Variants in SDHAF2 observed in about 807,000 individuals in gnomAD.
The protein encoded by SDHAF2 is succinate dehydrogenase complex assembly factor 2, also known as succinate dehydrogenase assembly factor 2, mitochondrial.
SDHAF2 carries 21 observed loss-of-function variants against 18.5 expected under a neutral mutation model. That is an observed-to-expected ratio of 1.13 (90% CI 0.80 to 1.63). The LOEUF (loss-of-function observed/expected upper bound fraction) is 1.63. SDHAF2 is among the 40% of genes most tolerant of loss of function. SDHAF2 has a pLI of 0.00. For missense variants in SDHAF2, 195 were observed against 200.3 expected (o/e 0.97, Z 0.16); for synonymous variants, 84 against 70.7 (o/e 1.19, Z -0.94).
At position 61,438,119 on chromosome 11, in the gene SDHAF2, G is replaced by A. The variant is rs1565128722; in HGVS notation, c.370+6G>A. ...TATTTACTACTGGGCCACAGGTACT[G>A]GGTATGATAAGCAGCATAATGTGAA... is the stretch of plus-strand genomic sequence containing the variant. On this transcript the variant is annotated splice_donor_region_variant and intron_variant, in intron 3 of 3. Transcript: ENST00000301761. 6.3e-7 allele frequency: 1 copy of A among 1,590,626 alleles called. No individual in the cohort carries two copies. Among genetic ancestry groups the A allele is most frequent in the Non-Finnish European group, 8.6e-7 (1 of 1,158,560 alleles).
chr11:61,430,375 C>G (rs967379758), intron 1 of SDHAF2, 193 bp downstream of exon 1: 1 of 674,042 alleles, frequency 1.5e-6, no homozygotes, highest in African/African-American at 1.8e-5. Context: ...CTACTGTGTG[C>G]CGGTCTGGAA....
Position 61,442,675 on chromosome 11 carries a change from G to GT in SDHAF2, c.371-3262dup, listed in dbSNP as rs1462035886. Among the ~76,000 whole-genome samples, 10 of 152,140 alleles carry GT rather than the reference G, an allele frequency of 6.6e-5. No homozygotes were observed. In the South Asian group the frequency reaches 8.3e-4, roughly 13 times the overall value. On this transcript the variant is annotated intron_variant, in intron 3 of 3. Coordinates refer to ENST00000301761, the MANE Select transcript of SDHAF2 (RefSeq NM_017841.4). ...CCCCTTCAGCTATTTCTTCTGCTTTGTTTTCTCCCTCTTTTCCTTCTAGGA... is the reference window on the plus strand; with the variant it reads ...CCCCTTCAGCTATTTCTTCTGCTTTGTTTTTCTCCCTCTTTTCCTTCTAGGA...
chr11:61,438,063 GC>G lies in SDHAF2; in HGVS notation c.322del (p.Leu108Ter). On this transcript the variant is annotated frameshift_variant, in exon 3 of 4. Transcript: ENST00000301761. LOFTEE classifies it high-confidence loss of function. ...GAAAAGCAGCTGAACCTCTATGACCGCCTGATTAACGAGCCTAGTAATGACT... is the reference window on the plus strand; with the variant it reads ...GAAAAGCAGCTGAACCTCTATGACCGCTGATTAACGAGCCTAGTAATGACT... The part of the protein sequence containing the change: ...MTEKQLNLYD[R>X]LINEPSNDWD... The G allele has an allele frequency of 6.2e-7, 1 of 1,614,006 alleles. No individual in the cohort carries two copies. The highest frequency in any genetic ancestry group is 2.2e-5 in the East Asian group (1 of 44,882).
rs1590769574 is a variant in SDHAF2 at position 61,446,426 on chromosome 11, G to A, written c.*355G>A. 1.6e-5 allele frequency: 9 copies of A among 572,000 alleles called. No homozygotes were observed. The East Asian group carries it at 2.5e-4, about 16-fold the overall frequency. The allele number at this position is 572,000 out of a possible 1,614,324, so 35.4% of individuals were successfully genotyped here. A position where few individuals can be genotyped will look rare whatever the true frequency, so the allele number is the denominator to read the frequency against. On this transcript the variant is annotated 3_prime_UTR_variant, in exon 4 of 4. Transcript: ENST00000301761. ...GCCCAAGTGTACTCAAAGAAAAGAG[G>A]CAGCCAGCTGTGCGTGCTGTATGGA...
chr11:61,438,886 A>G (rs142559170), intron 3 of SDHAF2, among the ~76,000 whole-genome samples: 2 of 152,222 alleles, frequency 1.3e-5, no homozygotes, highest in African/African-American at 4.8e-5. Context: ...CTCTCCAAAA[A>G]TTCAAAAATT....
In SDHAF2 at chr11:61,438,065, C is replaced by T. The variant is rs1361842932; in HGVS notation, c.322C>T (p.Leu108=). The T allele has an allele frequency of 6.2e-7, 1 of 1,613,964 alleles. No individual in the cohort carries two copies. The highest frequency in any genetic ancestry group is 1.3e-5 in the African/African-American group (1 of 74,890). The change falls in exon 3 of 4, where the codon CTG becomes TTG. Residue 108 remains leucine (L), a synonymous_variant. Transcript: ENST00000301761. ...AAAGCAGCTGAACCTCTATGACCGC[C>T]TGATTAACGAGCCTAGTAATGACTG... ...TEKQLNLYDR[L]INEPSNDWDI...
At position 61,430,438 on chromosome 11, in the gene SDHAF2, A is replaced by G. The variant is rs144261996; in HGVS notation, c.36+256A>G. On this transcript the variant is annotated intron_variant, in intron 1 of 3. Coordinates refer to ENST00000301761, the MANE Select transcript of SDHAF2 (RefSeq NM_017841.4). ...CCAAGACCCAATTCGCCTCTCACCTACGTCCCAGGCGGGATTAGCCCAACT... is the reference window on the plus strand; with the variant it reads ...CCAAGACCCAATTCGCCTCTCACCTGCGTCCCAGGCGGGATTAGCCCAACT... 3.2e-4 allele frequency: 179 copies of G among 566,208 alleles called. 2 individuals are homozygous for G. The African/African-American group carries it at 3.3e-3, about 10-fold the overall frequency. 35.1% of individuals were successfully genotyped at this position (566,208 alleles called of 1,614,324 possible). A position where few individuals can be genotyped will look rare whatever the true frequency, so the allele number is the denominator to read the frequency against.
At chr11:61,439,137 C>T (rs1450817702) in intron 3 of SDHAF2, among the ~76,000 whole-genome samples, 1 of 151,980 alleles carries the variant, frequency 6.6e-6, no homozygotes, top group Non-Finnish European at 1.5e-5. Flanking sequence ...AGTAAAAAAA[C>T]ATCCAAAACA....
intron 3 of SDHAF2, among the ~76,000 whole-genome samples, chr11:61,445,093 G>A (rs1201326777): frequency 6.6e-6 from 1 of 152,216 alleles, no homozygotes; most frequent in East Asian, 1.9e-4. Context: ...GCCCTGTGCT[G>A]AGTAAGGGAG....
intron 3 of SDHAF2, among the ~76,000 whole-genome samples, 161 bp from the exon 4 acceptor site, chr11:61,445,780 A>T (rs1204167232): frequency 6.6e-6 from 1 of 152,136 alleles, no homozygotes; most frequent in Non-Finnish European, 1.5e-5. Context: ...ACAGTTTGCC[A>T]CCCCCTGGTA....
chr11:61,443,995 G>A (rs1862104468), intron 3 of SDHAF2, among the ~76,000 whole-genome samples: 1 of 152,144 alleles, frequency 6.6e-6, no homozygotes, highest in Admixed American at 6.5e-5. Flanking sequence ...GGATGGTCTT[G>A]ATCTCCTGAC....
At position 61,443,558 on chromosome 11, in the gene SDHAF2, A is replaced by G. The variant is rs145450272; in HGVS notation, c.371-2383A>G. 5.8e-3 allele frequency among the ~76,000 whole-genome samples: 883 copies of G among 152,270 alleles called. 4 individuals carry two copies. Among genetic ancestry groups the G allele is most frequent in the Non-Finnish European group, 9.5e-3 (647 of 68,020 alleles). ...GGATCAAGTCAGTGAGTTGGGAGGTAAGCTCAGCTTGGGTTGTTTTTGCTT... is the reference window on the plus strand; with the variant it reads ...GGATCAAGTCAGTGAGTTGGGAGGTGAGCTCAGCTTGGGTTGTTTTTGCTT... On this transcript the variant is annotated intron_variant, in intron 3 of 3. Transcript: ENST00000301761.
At chr11:61,442,219 C>T (rs1413756288) in intron 3 of SDHAF2, among the ~76,000 whole-genome samples, 3 of 152,120 alleles carry the variant, frequency 2.0e-5, no homozygotes, top group South Asian at 2.1e-4. Context: ...AAGATACTTT[C>T]ACTGGATATA....
chr11:61,437,744 G>A lies in SDHAF2; in HGVS notation c.156G>A (p.Leu52=), dbSNP rs773466310. The A allele has an allele frequency of 1.9e-6, 3 of 1,614,148 alleles. No homozygotes were observed. The highest frequency in any genetic ancestry group is 4.5e-5 in the East Asian group (2 of 44,882). ...DSQKDMIEIP[L]PPWQERTDES... ...AAAAGGACATGATTGAAATCCCTTT[G>A]CCTCCATGGCAGGAGAGAACTGATG... Residue 52 remains leucine (L), a synonymous_variant, in exon 2 of 4, where the codon TTG becomes TTA. Coordinates refer to ENST00000301761, the MANE Select transcript of SDHAF2 (RefSeq NM_017841.4).
At chr11:61,432,438 C>A (rs1345595885) in intron 1 of SDHAF2, 1 of 152,052 alleles carries the variant, frequency 6.6e-6, no homozygotes, top group African/African-American at 2.4e-5. Flanking sequence ...CTTATAATAC[C>A]GAAAACAATG....
chr11:61,436,942 T>A, intron 1 of SDHAF2: 2 of 1,270,272 alleles, frequency 1.6e-6, no homozygotes, highest in Non-Finnish European at 2.0e-6. Flanking sequence ...TGTCTCTGTG[T>A]GCTCAGGATT....
chr11:61,444,991 C>T (rs1381622636), intron 3 of SDHAF2, among the ~76,000 whole-genome samples: 1 of 152,006 alleles, frequency 6.6e-6, no homozygotes, highest in Non-Finnish European at 1.5e-5. Context: ...GTGCAATATT[C>T]TTTCCAACTT....
chr11:61,439,401 T>C (rs1177482289), intron 3 of SDHAF2, among the ~76,000 whole-genome samples: 1 of 152,274 alleles, frequency 6.6e-6, no homozygotes, highest in Non-Finnish European at 1.5e-5. Flanking sequence ...CTTCCACTTA[T>C]TTGCCATTGG....
At chr11:61,443,836 C>T (rs537733691) in intron 3 of SDHAF2, among the ~76,000 whole-genome samples, 2 of 152,108 alleles carry the variant, frequency 1.3e-5, no homozygotes, top group East Asian at 1.9e-4. Flanking sequence ...GGCAGTGGCG[C>T]GATATCGGCT....
Sources: allele counts gnomAD v4.1 joint callset (sites outside exome capture counted in the v4.1 genomes callset), GRCh38; gene constraint gnomAD v4.1.1; transcripts MANE v1.5; gene names NCBI Gene and HGNC (gene_info 2026-07-23, HGNC 2026-07-21).